Variants in CTNNA3 observed in about 807,000 individuals in gnomAD.
CTNNA3 encodes the protein catenin alpha 3, also known as catenin alpha-3.
CTNNA3 carries 76 observed loss-of-function variants against 95.7 expected under a neutral mutation model. The ratio of observed to expected loss-of-function variants is 0.79; its 90% CI spans 0.66 to 0.96. The LOEUF is 0.96. Ranked by LOEUF, CTNNA3 falls within the 40% of genes least tolerant of loss-of-function variation. The pLI is 0.00. For synonymous variants in CTNNA3, 431 were observed against 374.4 expected (o/e 1.15, Z -1.74); for missense variants, 1,191 against 1,089.8 (o/e 1.09, Z -1.31).
At chr10:66,818,259 A>G (rs1842165660) in intron 7 of CTNNA3, among the ~76,000 whole-genome samples, 2 of 152,102 alleles carry the variant, frequency 1.3e-5, no homozygotes, top group African/African-American at 4.8e-5. Context: ...CTTTGACTTA[A>G]CATTGTGCTG....
chr10:66,094,156 T>C (rs187083490), intron 14 of CTNNA3, among the ~76,000 whole-genome samples: 38 of 152,076 alleles, frequency 2.5e-4, no homozygotes, highest in Admixed American at 2.2e-3. Flanking sequence ...CAGATACTAG[T>C]AAAGGGAAAG....
intron 12 of CTNNA3, among the ~76,000 whole-genome samples, chr10:66,330,161 G>A (rs2092306877): frequency 6.6e-6 from 1 of 151,962 alleles, no homozygotes; most frequent in East Asian, 1.9e-4. Context: ...TTGGTGTGCT[G>A]CATCCATTAA....
intron 15 of CTNNA3, among the ~76,000 whole-genome samples, chr10:66,045,753 T>G (rs72791500): frequency 0.061 from 9,359 of 152,236 alleles, 410 homozygotes; most frequent in Middle Eastern, 0.11. Flanking sequence ...CCTTTTTTTC[T>G]TCTAGGCTAC....
At chr10:67,149,351 C>T (rs1860983149) in intron 7 of CTNNA3, among the ~76,000 whole-genome samples, 1 of 151,998 alleles carries the variant, frequency 6.6e-6, no homozygotes, top group East Asian at 1.9e-4. Flanking sequence ...TTTGGGAGGC[C>T]GAGGCGGGCA....
chr10:65,955,756 T>C (rs2077716236), intron 17 of CTNNA3, among the ~76,000 whole-genome samples: 2 of 152,172 alleles, frequency 1.3e-5, no homozygotes, highest in African/African-American at 2.4e-5. Context: ...TCATGGTGGA[T>C]AAGCTTTTTG....
At chr10:67,183,191 A>G (rs549407088) in intron 6 of CTNNA3, among the ~76,000 whole-genome samples, 1 of 152,356 alleles carries the variant, frequency 6.6e-6, no homozygotes, top group East Asian at 1.9e-4. Context: ...ATTACTGGGT[A>G]TATACCCAAA....
intron 15 of CTNNA3, among the ~76,000 whole-genome samples, chr10:66,027,791 A>G (rs2079371377): frequency 6.6e-6 from 1 of 152,110 alleles, no homozygotes; most frequent in African/African-American, 2.4e-5. Flanking sequence ...CCCCACTCCA[A>G]TTTCCCTCCT....
chr10:66,467,904 G>C (rs1382994681), intron 11 of CTNNA3, among the ~76,000 whole-genome samples: 1 of 151,948 alleles, frequency 6.6e-6, no homozygotes, highest in African/African-American at 2.4e-5. Context: ...GTAATTATTA[G>C]TCTCTGTTAA....
chr10:66,863,180 T>TACACAC (rs71035194), intron 7 of CTNNA3, among the ~76,000 whole-genome samples: 9,093 of 147,802 alleles, frequency 0.062, 322 homozygotes, highest in South Asian at 0.094. Context: ...GCCAATTCTT[T>TACACAC]ACACACACAC....
At chr10:66,084,148 GAA>G (rs71474014) in intron 14 of CTNNA3, among the ~76,000 whole-genome samples, 1 of 112,148 alleles carries the variant, frequency 8.9e-6, no homozygotes, top group Non-Finnish European at 2.0e-5. Flanking sequence ...AAAAAAAAAA[GAA>G]AAAAAAAGAA....
chr10:67,307,186 TTTA>T (rs879431500), intron 5 of CTNNA3, among the ~76,000 whole-genome samples: 1 of 152,202 alleles, frequency 6.6e-6, no homozygotes, highest in Non-Finnish European at 1.5e-5. Flanking sequence ...AAAAATATCT[TTTA>T]TTATGTTGAT....
intron 7 of CTNNA3, among the ~76,000 whole-genome samples, chr10:67,136,082 T>C (rs1254291041): frequency 2.0e-5 from 3 of 152,154 alleles, no homozygotes; most frequent in Non-Finnish European, 4.4e-5. Flanking sequence ...CCTTTGAAGC[T>C]TTTAACTTTT....
rs551666588 is a variant in CTNNA3 at position 66,656,345 on chromosome 10, T to G, written c.1282-34561A>C. Among the ~76,000 whole-genome samples the G allele has an allele frequency of 4.6e-5, 7 of 152,238 alleles. No homozygotes were observed. In the East Asian group the frequency reaches 1.4e-3, roughly 29 times the overall value. ...AATTAGAGTTTTACATTATGTTTCTTCAGGGAGCAAAACTAAAACTAATAT... is the reference window on the plus strand; with the variant it reads ...AATTAGAGTTTTACATTATGTTTCTGCAGGGAGCAAAACTAAAACTAATAT... On this transcript the variant is annotated intron_variant, in intron 9 of 17. Transcript: ENST00000433211.
At chr10:67,225,049 A>G (rs1243365691) in intron 5 of CTNNA3, among the ~76,000 whole-genome samples, 1 of 152,132 alleles carries the variant, frequency 6.6e-6, no homozygotes, top group Non-Finnish European at 1.5e-5. Flanking sequence ...GGTGGGAGTG[A>G]GACCAGCCCT....
At chr10:66,162,690 C>T (rs1294143840) in intron 13 of CTNNA3, among the ~76,000 whole-genome samples, 1 of 152,020 alleles carries the variant, frequency 6.6e-6, no homozygotes, top group East Asian at 1.9e-4. Flanking sequence ...TGGTTGGCCT[C>T]CTGCTGGGAG....
intron 10 of CTNNA3, among the ~76,000 whole-genome samples, chr10:66,537,799 T>A (rs1352168): frequency 0.65 from 99,136 of 151,356 alleles, 35,210 homozygotes; most frequent in Non-Finnish European, 0.8. Context: ...TCCATATGAA[T>A]TTTTTTAAAA....
chr10:66,497,116 C>T (rs1840125403), intron 11 of CTNNA3, among the ~76,000 whole-genome samples: 1 of 151,998 alleles, frequency 6.6e-6, no homozygotes, highest in African/African-American at 2.4e-5. Context: ...CAAATACAGT[C>T]ACATTCTGAG....
At chr10:66,428,836 T>G (rs1391276139) in intron 11 of CTNNA3, among the ~76,000 whole-genome samples, 1 of 151,454 alleles carries the variant, frequency 6.6e-6, no homozygotes, top group Non-Finnish European at 1.5e-5. Context: ...ACATCACAAT[T>G]AAAAGAACTA....
At chr10:66,801,203 C>T (rs1312302554) in intron 7 of CTNNA3, among the ~76,000 whole-genome samples, 3 of 151,288 alleles carry the variant, frequency 2.0e-5, no homozygotes, top group Non-Finnish European at 4.4e-5. Flanking sequence ...AAATGTCTCA[C>T]ACATCGTGAT....
Sources: gnomAD v4.1 joint callset for allele counts (sites outside exome capture counted in the v4.1 genomes callset) on GRCh38, gnomAD v4.1.1 for gene constraint, MANE v1.5 for transcripts, NCBI Gene and HGNC (gene_info 2026-07-23, HGNC 2026-07-21) for gene names.